Variants in AGPAT3 observed in about 807,000 individuals in gnomAD.
The protein encoded by AGPAT3 is 1-acyl-sn-glycerol-3-phosphate acyltransferase gamma.
A neutral mutation model predicts 47.3 loss-of-function variants in AGPAT3; 5 were observed. The ratio of observed to expected loss-of-function variants is 0.11; its 90% confidence interval spans 0.06 to 0.22. AGPAT3 has a LOEUF of 0.22. AGPAT3 is among the 10% of genes least tolerant of loss of function. The probability of loss-of-function intolerance (pLI) is 1.00; values close to 1 mark genes in which losing one functional copy is unlikely to be tolerated. For missense variants in AGPAT3, 315 were observed against 493.0 expected (o/e 0.64, Z 3.42); for synonymous variants, 212 against 208.3 (o/e 1.02, Z -0.15).
intron 2 of AGPAT3, among the ~76,000 whole-genome samples, chr21:43,958,501 G>A (rs1301199572): frequency 6.6e-6 from 1 of 151,564 alleles, no homozygotes; most frequent in African/African-American, 2.4e-5. Flanking sequence ...TGCACCATAT[G>A]TGTGAGCGTG....
At chr21:43,978,279 GTTGTT>G (rs111639209) in intron 8 of AGPAT3, among the ~76,000 whole-genome samples, 158 bp downstream of exon 8, 2 of 151,646 alleles carry the variant, frequency 1.3e-5, no homozygotes, top group African/African-American at 2.4e-5. Context: ...TCTTCTTTCT[GTTGTT>G]TTGTTTTGTT....
At chr21:43,925,726 T>G (rs903014506) in intron 2 of AGPAT3, among the ~76,000 whole-genome samples, 1 of 152,248 alleles carries the variant, frequency 6.6e-6, no homozygotes, top group African/African-American at 2.4e-5. Flanking sequence ...AACCCTGTGT[T>G]GACTTGGGCA....
intron 2 of AGPAT3, among the ~76,000 whole-genome samples, chr21:43,910,604 T>C (rs1319925867): frequency 6.6e-6 from 1 of 152,222 alleles, no homozygotes; most frequent in Non-Finnish European, 1.5e-5. Context: ...GCAAGTGTGC[T>C]GTATGCCCAC....
intron 2 of AGPAT3, among the ~76,000 whole-genome samples, chr21:43,958,338 T>A (rs2088591718): frequency 6.6e-6 from 1 of 151,950 alleles, no homozygotes; most frequent in Admixed American, 6.6e-5. Flanking sequence ...TGTTGCAGTG[T>A]GTGGTGTGTG....
chr21:43,972,803 C>T (rs906127145), intron 7 of AGPAT3, among the ~76,000 whole-genome samples: 1 of 152,216 alleles, frequency 6.6e-6, no homozygotes, highest in African/African-American at 2.4e-5. Flanking sequence ...ACGAAGAAAC[C>T]GTGCGCTGGA....
intron 5 of AGPAT3, 41 bp downstream of exon 5, chr21:43,969,320 G>A: frequency 6.2e-7 from 1 of 1,608,414 alleles, no homozygotes; most frequent in Non-Finnish European, 8.5e-7. Context: ...ATGCCTGGAG[G>A]AGGCCACGCC....
intron 1 of AGPAT3, among the ~76,000 whole-genome samples, chr21:43,898,139 G>A (rs2086271640): frequency 6.6e-6 from 1 of 152,178 alleles, no homozygotes; most frequent in South Asian, 2.1e-4. Flanking sequence ...GGGGAGAGGG[G>A]AGAGGGAGAG....
At position 43,984,814 on chromosome 21, in the gene AGPAT3, C is replaced by G; in HGVS notation, c.*2422C>G. On this transcript the variant is annotated 3_prime_UTR_variant, in exon 10 of 10. Transcript: ENST00000291572. The stretch of plus-strand genomic sequence containing the variant: ...GTCTTTTTTTTTTCTTTTTCCTTTA[C>G]ACCCTACTTCTGAGCTTAATTCAGT... 1 of 211,904 alleles carries G rather than the reference C, an allele frequency of 4.7e-6. No individual in the cohort carries two copies. The highest frequency in any genetic ancestry group is 4.7e-4 in the Middle Eastern group (1 of 2,112). 13.1% of individuals were successfully genotyped at this position (211,904 alleles called of 1,614,324 possible).
chr21:43,928,954 C>T (rs928644536), intron 2 of AGPAT3, among the ~76,000 whole-genome samples: 1 of 152,242 alleles, frequency 6.6e-6, no homozygotes, highest in Non-Finnish European at 1.5e-5. Flanking sequence ...CCACCACCCC[C>T]ACCTTGTCTG....
rs188935765 is a variant in AGPAT3, at chr21:43,868,659, T to G, written c.-112+3314T>G. 5.5e-4 allele frequency among the ~76,000 whole-genome samples: 84 copies of G among 152,312 alleles called. 1 individual carries two copies. In the Middle Eastern group the frequency reaches 0.024, roughly 43 times the overall value. On this transcript the variant is annotated intron_variant, in intron 1 of 9. Transcript: ENST00000291572. Reference sequence around the variant, plus strand: ...ACCCCTGACTGTCTGCCCTCCTGATTCTCAGCCAGGTGCTGGGAGCTGAGT... The same window carrying G: ...ACCCCTGACTGTCTGCCCTCCTGATGCTCAGCCAGGTGCTGGGAGCTGAGT...
intron 2 of AGPAT3, among the ~76,000 whole-genome samples, chr21:43,906,978 A>G (rs1304187638): frequency 6.6e-6 from 1 of 152,042 alleles, no homozygotes; most frequent in Non-Finnish European, 1.5e-5. Context: ...GCAGGAGGCA[A>G]AGGAGGCCCA....
At chr21:43,874,859 G>A (rs558674543) in intron 1 of AGPAT3, among the ~76,000 whole-genome samples, 10 of 152,182 alleles carry the variant, frequency 6.6e-5, no homozygotes, top group South Asian at 6.2e-4. Flanking sequence ...GTCATTCTGC[G>A]GTATCCACTA....
At chr21:43,975,223 G>A (rs879415553) in intron 7 of AGPAT3, among the ~76,000 whole-genome samples, 2 of 141,784 alleles carry the variant, frequency 1.4e-5, no homozygotes, top group African/African-American at 2.5e-5. Flanking sequence ...GTGTGCTGGT[G>A]TGTGGTAATG....
Position 43,955,809 on chromosome 21 carries a change from G to A in AGPAT3, c.-48-3825G>A, listed in dbSNP as rs959188873. Among the ~76,000 whole-genome samples the A allele has an allele frequency of 6.6e-6, 1 of 151,750 alleles. No individual in the cohort carries two copies. The highest frequency in any genetic ancestry group is 1.5e-5 in the Non-Finnish European group (1 of 67,970). Reference sequence around the variant, plus strand: ...TGGTCCCAGCTACTCGGGAGGCTGAGGCATGAGAATTGCTTGAACCCAGGA... The same window carrying A: ...TGGTCCCAGCTACTCGGGAGGCTGAAGCATGAGAATTGCTTGAACCCAGGA... On this transcript the variant is annotated intron_variant, in intron 2 of 9. Coordinates refer to ENST00000291572, the MANE Select transcript of AGPAT3 (RefSeq NM_020132.5). The surrounding 1 kb of genome is among the most constrained non-coding windows in gnomAD (Gnocchi z 4.1).
intron 1 of AGPAT3, among the ~76,000 whole-genome samples, chr21:43,901,537 C>T (rs1299915180): frequency 2.6e-5 from 4 of 152,124 alleles, no homozygotes; most frequent in Admixed American, 2.6e-4. Context: ...AATCCCAGCA[C>T]TTCTGGAGGC....
At position 43,932,749 on chromosome 21, in the gene AGPAT3, C is replaced by G. The variant is rs569343081; in HGVS notation, c.-48-26885C>G. ...CACTGCAAGCTCCGCCTCTTGGGTTCAAGCGATTCTTTTGCTTCAGCCTCC... is the reference window on the plus strand; with the variant it reads ...CACTGCAAGCTCCGCCTCTTGGGTTGAAGCGATTCTTTTGCTTCAGCCTCC... On this transcript the variant is annotated intron_variant, in intron 2 of 9. Coordinates refer to ENST00000291572, the MANE Select transcript of AGPAT3 (RefSeq NM_020132.5). This position sits in a 1 kb window ranked among gnomAD's most constrained non-coding sequence, Gnocchi z 5.2. 9.2e-5 allele frequency among the ~76,000 whole-genome samples: 14 copies of G among 152,352 alleles called. No homozygotes were observed. The highest frequency in any genetic ancestry group is 3.4e-4 in the African/African-American group (14 of 41,580).
intron 5 of AGPAT3, 46 bp downstream of exon 5, chr21:43,969,325 C>A: frequency 6.2e-7 from 1 of 1,604,874 alleles, no homozygotes; most frequent in Non-Finnish European, 8.5e-7. Flanking sequence ...TGGAGGAGGC[C>A]ACGCCAACTC....
chr21:43,901,215 C>T lies in AGPAT3; in HGVS notation c.-111-2742C>T, dbSNP rs559866863. Reference sequence around the variant, plus strand: ...TGGTATGCACCTGTAGTGCCAGCTACTCAACGGCAGAGGCAGGAGGATCCC... The same window carrying T: ...TGGTATGCACCTGTAGTGCCAGCTATTCAACGGCAGAGGCAGGAGGATCCC... On this transcript the variant is annotated intron_variant, in intron 1 of 9. Transcript: ENST00000291572. Among the ~76,000 whole-genome samples, 11 of 151,722 alleles carry T rather than the reference C, an allele frequency of 7.3e-5. No individual in the cohort carries two copies. The South Asian group carries it at 2.1e-3, about 29-fold the overall frequency.
intron 2 of AGPAT3, among the ~76,000 whole-genome samples, chr21:43,905,157 ATT>A (rs1569056359): frequency 4.4e-4 from 7 of 15,966 alleles, no homozygotes; most frequent in East Asian, 7.1e-3. Flanking sequence ...TAAAAAAAAT[ATT>A]TATTTATTTA....
Sources: gnomAD v4.1 joint callset for allele counts (sites outside exome capture counted in the v4.1 genomes callset) on GRCh38, gnomAD v4.1.1 for gene constraint, Gnocchi (gnomAD v3.1) non-coding constraint, MANE v1.5 for transcripts, NCBI Gene and HGNC (gene_info 2026-07-23, HGNC 2026-07-21) for gene names.